The following MSRA variants were observed in gnomAD, a reference collection of about 807,000 sequenced individuals.
The protein encoded by MSRA is methionine sulfoxide reductase A.
Under a neutral mutation model 31.3 loss-of-function variants are expected in MSRA, and 54 were observed. That is an observed-to-expected ratio of 1.73 (90% CI 1.39 to 2.17). The LOEUF (loss-of-function observed/expected upper bound fraction) is 2.17. Ranked by LOEUF, MSRA falls within the 30% of genes most tolerant of loss-of-function variation. The probability of loss-of-function intolerance (pLI) is 0.00; values close to 1 mark genes in which losing one functional copy is unlikely to be tolerated. For synonymous variants in MSRA, 169 were observed against 116.5 expected (o/e 1.45, Z -2.90); for missense variants, 507 against 300.9 (o/e 1.69, Z -5.07).
chr8:10,174,125 C>T (rs894254282), intron 1 of MSRA, among the ~76,000 whole-genome samples: 10 of 152,064 alleles, frequency 6.6e-5, no homozygotes, highest in African/African-American at 1.9e-4. Context: ...GGGAAGGTTT[C>T]GGGGAAGGAG....
intron 5 of MSRA, among the ~76,000 whole-genome samples, chr8:10,375,952 G>T (rs1468658998): frequency 2.0e-5 from 3 of 152,174 alleles, no homozygotes; most frequent in Non-Finnish European, 2.9e-5. Flanking sequence ...CTTTCTGATG[G>T]GGGAGGAAGG....
At chr8:10,315,646 CAT>C (rs779618063) in intron 4 of MSRA, among the ~76,000 whole-genome samples, 20 of 152,330 alleles carry the variant, frequency 1.3e-4, no homozygotes, top group Non-Finnish European at 2.2e-4. Context: ...TGTGTGTGCA[CAT>C]GTGTGCTTGG....
Position 10,054,348 on chromosome 8 carries a change from C to T in MSRA, c.-169C>T, listed in dbSNP as rs1030633038. The T allele has an allele frequency of 1.8e-6, 1 of 568,802 alleles. No homozygotes were observed. The highest frequency in any genetic ancestry group is 5.5e-5 in the South Asian group (1 of 18,080). The allele number at this position is 568,802 out of a possible 1,614,324, so 35.2% of individuals were successfully genotyped here. On this transcript the variant is annotated 5_prime_UTR_variant, in exon 1 of 6. Transcript: ENST00000317173. ...CCGGTACGGCCCCGGGTTTGGGCAACCTCGATTACGGGCGGCCTCCAGCCC... is the reference window on the plus strand; with the variant it reads ...CCGGTACGGCCCCGGGTTTGGGCAATCTCGATTACGGGCGGCCTCCAGCCC...
chr8:10,187,160 G>A (rs1002569989), intron 1 of MSRA, among the ~76,000 whole-genome samples: 1 of 152,186 alleles, frequency 6.6e-6, no homozygotes, highest in Non-Finnish European at 1.5e-5. Flanking sequence ...AGAACTTCGG[G>A]AAATGGTACG....
At chr8:10,242,551 T>C (rs1317216029) in intron 2 of MSRA, among the ~76,000 whole-genome samples, 1 of 152,182 alleles carries the variant, frequency 6.6e-6, no homozygotes, top group Non-Finnish European at 1.5e-5. Flanking sequence ...TATATGTTTG[T>C]TTTGTGTGGT....
chr8:10,237,690 G>A (rs1012048077), intron 2 of MSRA, among the ~76,000 whole-genome samples: 1 of 152,278 alleles, frequency 6.6e-6, no homozygotes, highest in South Asian at 2.1e-4. Context: ...CCATCCACAA[G>A]GTTCCCCACT....
intron 1 of MSRA, among the ~76,000 whole-genome samples, chr8:10,116,963 A>T (rs1800734141): frequency 1.3e-5 from 2 of 152,174 alleles, no homozygotes; most frequent in Admixed American, 6.5e-5. Context: ...CGAAACTCCA[A>T]GATGGAGTTT....
chr8:10,361,794 T>C (rs1042597630), intron 5 of MSRA, among the ~76,000 whole-genome samples: 1 of 152,236 alleles, frequency 6.6e-6, no homozygotes, highest in Non-Finnish European at 1.5e-5. Flanking sequence ...ATATGACTTT[T>C]GTAATGTAAA....
chr8:10,389,465 T>C (rs950941614), intron 5 of MSRA, among the ~76,000 whole-genome samples: 1 of 152,274 alleles, frequency 6.6e-6, no homozygotes, highest in African/African-American at 2.4e-5. Flanking sequence ...TAATTTGTCA[T>C]TGTTATGTTC....
chr8:10,221,894 A>T lies in MSRA; in HGVS notation c.211+13993A>T, dbSNP rs182808135. The stretch of plus-strand genomic sequence containing the variant: ...AATGCAAGTACAAAGGCCCTGAGGC[A>T]GGAGTGGCGGAGGCCTGTGTGGCTG... On this transcript the variant is annotated intron_variant, in intron 2 of 5. Transcript: ENST00000317173. 2.1e-3 allele frequency among the ~76,000 whole-genome samples: 323 copies of T among 152,290 alleles called. 2 individuals carry two copies. The highest frequency in any genetic ancestry group is 7.5e-3 in the African/African-American group (310 of 41,582).
intron 5 of MSRA, among the ~76,000 whole-genome samples, chr8:10,351,251 T>TTC (rs1804125570): frequency 1.5e-5 from 2 of 135,258 alleles, no homozygotes; most frequent in African/African-American, 5.7e-5. Flanking sequence ...GAGACTTTTT[T>TTC]TTTTTTTTTT....
At chr8:10,292,633 G>C (rs894564927) in intron 3 of MSRA, among the ~76,000 whole-genome samples, 4 of 152,192 alleles carry the variant, frequency 2.6e-5, no homozygotes, top group Non-Finnish European at 5.9e-5. Context: ...GAATCGCAGT[G>C]GCCGGGCTCT....
At chr8:10,201,830 G>A (rs1359048680) in intron 1 of MSRA, among the ~76,000 whole-genome samples, 1 of 152,192 alleles carries the variant, frequency 6.6e-6, no homozygotes, top group East Asian at 1.9e-4. Context: ...TCTGTTTCTT[G>A]TCCTCATATC....
At chr8:10,157,475 A>G (rs1804254227) in intron 1 of MSRA, among the ~76,000 whole-genome samples, 1 of 152,194 alleles carries the variant, frequency 6.6e-6, no homozygotes, top group African/African-American at 2.4e-5. Flanking sequence ...TTACTGTGGC[A>G]GAAGCAAGTT....
intron 5 of MSRA, among the ~76,000 whole-genome samples, chr8:10,356,433 C>A (rs1376122999): frequency 6.6e-6 from 1 of 152,220 alleles, no homozygotes; most frequent in Non-Finnish European, 1.5e-5. Context: ...CCAGTTACAG[C>A]TTTACAGCTC....
chr8:10,400,540 T>C (rs1807395471), intron 5 of MSRA, among the ~76,000 whole-genome samples: 4 of 152,120 alleles, frequency 2.6e-5, no homozygotes, highest in African/African-American at 9.7e-5. Flanking sequence ...CCATGCTGAC[T>C]TGGGATGGTG....
chr8:10,102,663 G>C (rs1799613749), intron 1 of MSRA, among the ~76,000 whole-genome samples: 1 of 152,122 alleles, frequency 6.6e-6, no homozygotes, highest in South Asian at 2.1e-4. Context: ...AAATGATTTT[G>C]ATTATATCCA....
At chr8:10,247,960 C>T (rs1489322174) in intron 3 of MSRA, among the ~76,000 whole-genome samples, 1 of 151,892 alleles carries the variant, frequency 6.6e-6, no homozygotes, top group East Asian at 1.9e-4. Flanking sequence ...GATTTTTGAC[C>T]AAGGAGAGGG....
At chr8:10,344,544 C>T (rs1435683474) in intron 5 of MSRA, among the ~76,000 whole-genome samples, 2 of 133,162 alleles carry the variant, frequency 1.5e-5, no homozygotes, top group African/African-American at 5.7e-5. Flanking sequence ...ACTGACACTC[C>T]AGCCTGGGTG....
Sources: allele counts gnomAD v4.1 joint callset (sites outside exome capture counted in the v4.1 genomes callset), GRCh38; gene constraint gnomAD v4.1.1; transcripts MANE v1.5; gene names NCBI Gene and HGNC (gene_info 2026-07-23, HGNC 2026-07-21).